Variants in MYO3A observed in about 807,000 individuals in gnomAD.
The protein encoded by MYO3A is myosin-IIIa.
Under a neutral mutation model 192.7 loss-of-function variants are expected in MYO3A, and 180 were observed. That is an observed-to-expected ratio of 0.93 (90% CI 0.83 to 1.06). The LOEUF is 1.06. MYO3A is among the 50% of genes least tolerant of loss of function. The pLI is 0.00. For synonymous variants in MYO3A, 628 were observed against 645.3 expected (o/e 0.97, Z 0.41); for missense variants, 1,896 against 1,905.0 (o/e 1.00, Z 0.09).
intron 6 of MYO3A, among the ~76,000 whole-genome samples, chr10:25,999,754 G>A (rs901808927): frequency 5.9e-5 from 9 of 152,148 alleles, no homozygotes; most frequent in African/African-American, 2.2e-4. Flanking sequence ...CACCTCATCT[G>A]TCTAGAAATC....
At chr10:26,201,355 A>T in intron 33 of MYO3A, 50 bp downstream of exon 33, 1 of 1,367,852 alleles carries the variant, frequency 7.3e-7, no homozygotes. Context: ...AAACAAAAAT[A>T]AAAATCCATG....
At chr10:26,118,688 G>C (rs1838666869) in intron 17 of MYO3A, among the ~76,000 whole-genome samples, 1 of 151,480 alleles carries the variant, frequency 6.6e-6, no homozygotes, top group South Asian at 2.1e-4. Flanking sequence ...TTGGAGTACA[G>C]TGGCACGATC....
chr10:26,060,902 A>G (rs1834425087), intron 10 of MYO3A, among the ~76,000 whole-genome samples: 9 of 151,670 alleles, frequency 5.9e-5, no homozygotes, highest in Admixed American at 5.3e-4. Flanking sequence ...ATGAAGATTC[A>G]AGACAACTTT....
chr10:26,117,057 A>G (rs1357948369), intron 17 of MYO3A, among the ~76,000 whole-genome samples: 1 of 152,190 alleles, frequency 6.6e-6, no homozygotes, highest in East Asian at 1.9e-4. Flanking sequence ...GGTGTATCAT[A>G]CATTCCCCTG....
chr10:25,952,194 C>T lies in MYO3A; in HGVS notation c.84C>T (p.Gly28=), dbSNP rs774746266. The stretch of plus-strand genomic sequence containing the variant: ...CATGGGAAATCACTGAGACAATTGG[C>T]AAAGGAACTTATGGGAAAGTTTTTA... ...SDTWEITETI[G]KGTYGKVFKV... is the part of the protein sequence containing the mutation. The change falls in exon 3 of 35, where the codon GGC becomes GGT. Residue 28 remains glycine, a synonymous_variant. Transcript: ENST00000642920. 3.7e-6 allele frequency: 6 copies of T among 1,612,332 alleles called. 1 individual carries two copies. Among genetic ancestry groups the T allele is most frequent in the Non-Finnish European group, 4.2e-6 (5 of 1,178,882 alleles).
intron 32 of MYO3A, among the ~76,000 whole-genome samples, chr10:26,197,555 T>TTTG (rs376257394): frequency 1.3e-5 from 2 of 151,676 alleles, no homozygotes; most frequent in African/African-American, 4.8e-5. Context: ...TTTTGCGTTT[T>TTTG]TTGTTGTTGT....
chr10:26,130,258 C>T (rs1421454701), intron 20 of MYO3A, among the ~76,000 whole-genome samples: 1 of 152,046 alleles, frequency 6.6e-6, no homozygotes, highest in African/African-American at 2.4e-5. Flanking sequence ...GCATGCACCA[C>T]CACACCTGGC....
intron 4 of MYO3A, among the ~76,000 whole-genome samples, chr10:25,979,019 A>C (rs1839135952): frequency 6.6e-6 from 1 of 152,180 alleles, no homozygotes; most frequent in Non-Finnish European, 1.5e-5. Flanking sequence ...AGATCTGTAA[A>C]ATAGAGGATT....
At chr10:26,129,151 A>G (rs906114242) in intron 20 of MYO3A, among the ~76,000 whole-genome samples, 74 of 152,196 alleles carry the variant, frequency 4.9e-4, no homozygotes, top group Admixed American at 4.6e-3. Flanking sequence ...ATCATCCAGT[A>G]TGTCATTTTT....
chr10:25,998,359 G>T (rs766741274), intron 6 of MYO3A, among the ~76,000 whole-genome samples: 3 of 152,172 alleles, frequency 2.0e-5, no homozygotes, highest in Non-Finnish European at 2.9e-5. Context: ...ATCTAGAGAG[G>T]AATGGATGAA....
chr10:26,024,169 T>G, intron 9 of MYO3A, 82 bp downstream of exon 9: 1 of 1,279,472 alleles, frequency 7.8e-7, no homozygotes, highest in South Asian at 1.2e-5. Flanking sequence ...TCTTATCTGT[T>G]AAACAGCCCC....
intron 30 of MYO3A, among the ~76,000 whole-genome samples, chr10:26,174,783 G>A (rs1376448338): frequency 6.6e-6 from 1 of 152,068 alleles, no homozygotes; most frequent in African/African-American, 2.4e-5. Flanking sequence ...ACCTCATGTA[G>A]TCGTGATACT....
At position 26,174,364 on chromosome 10, in the gene MYO3A, G is replaced by A; in HGVS notation, c.4100G>A (p.Arg1367Lys). The A allele has an allele frequency of 1.2e-6, 2 of 1,614,142 alleles. No homozygotes were observed. Among genetic ancestry groups the A allele is most frequent in the Non-Finnish European group, 1.7e-6 (2 of 1,180,022 alleles). The change falls in exon 30 of 35, where the codon AGG (arginine) becomes AAG (lysine). Residue 1367 changes from arginine to lysine, a missense_variant. Arg to Lys is a conservative substitution (Grantham distance 26). Transcript: ENST00000642920. ...GGTTACAAGAGAAGGCAGCAGTTGA[G>A]GAAGGACAAGATGTCTTCTTTTAAG... is the stretch of plus-strand genomic sequence containing the variant. ...YRGYKRRQQL[R>K]KDKMSSFKHQ...
intron 15 of MYO3A, 64 bp from the exon 16 acceptor site, chr10:26,096,317 G>T: frequency 1.4e-5 from 17 of 1,177,044 alleles, no homozygotes; most frequent in African/African-American, 3.1e-5. Context: ...TAATTATATT[G>T]TCAAGTAACT....
intron 20 of MYO3A, 139 bp from the exon 21 acceptor site, chr10:26,143,309 C>T (rs1011078426): frequency 4.9e-5 from 41 of 829,164 alleles, no homozygotes; most frequent in Admixed American, 1.3e-4. Context: ...CCAGCCTGGA[C>T]GACAGAGCGA....
intron 4 of MYO3A, among the ~76,000 whole-genome samples, chr10:25,983,272 T>G (rs1477668615): frequency 6.6e-6 from 1 of 151,732 alleles, no homozygotes; most frequent in Non-Finnish European, 1.5e-5. Context: ...TTTTTTTTTT[T>G]TGAGACAAAT....
chr10:26,098,363 G>C (rs1837195804), intron 17 of MYO3A, among the ~76,000 whole-genome samples: 1 of 152,202 alleles, frequency 6.6e-6, no homozygotes, highest in South Asian at 2.1e-4. Flanking sequence ...TCTGTAGGTT[G>C]CCTATTCACT....
At chr10:26,101,754 G>T (rs1837468125) in intron 17 of MYO3A, among the ~76,000 whole-genome samples, 1 of 152,186 alleles carries the variant, frequency 6.6e-6, no homozygotes, top group Non-Finnish European at 1.5e-5. Flanking sequence ...TAGAGTTTCT[G>T]CCAGGAGATC....
intron 14 of MYO3A, among the ~76,000 whole-genome samples, chr10:26,075,613 T>TATATGATATATATGTCTCTC (rs1835488216): frequency 6.8e-6 from 1 of 147,618 alleles, no homozygotes; most frequent in Non-Finnish European, 1.5e-5. Flanking sequence ...CTCTCTCATA[T>TATATGATATATATGTCTCTC]ATATATGATA....
Sources: allele counts gnomAD v4.1 joint callset (sites outside exome capture counted in the v4.1 genomes callset), GRCh38; gene constraint gnomAD v4.1.1; transcripts MANE v1.5; gene names NCBI Gene and HGNC (gene_info 2026-07-23, HGNC 2026-07-21).